The following WDFY2 variants were observed in gnomAD, a reference collection of about 807,000 sequenced individuals.
WDFY2 encodes WD repeat and FYVE domain containing 2.
Under a neutral mutation model 56.4 loss-of-function variants are expected in WDFY2, and 36 were observed. The ratio of observed to expected loss-of-function variants is 0.64; its 90% CI spans 0.49 to 0.84. The LOEUF (loss-of-function observed/expected upper bound fraction) is 0.84. WDFY2 is among the 40% of genes least tolerant of loss of function. WDFY2 has a pLI of 0.00. For synonymous variants in WDFY2, 176 were observed against 183.7 expected (o/e 0.96, Z 0.34); for missense variants, 444 against 512.2 (o/e 0.87, Z 1.29).
chr13:51,640,535 G>A (rs764385087), intron 1 of WDFY2, among the ~76,000 whole-genome samples: 13 of 152,170 alleles, frequency 8.5e-5, no homozygotes, highest in Non-Finnish European at 1.8e-4. Flanking sequence ...ACATACCCTA[G>A]TGCCTCTTTA....
intron 1 of WDFY2, among the ~76,000 whole-genome samples, chr13:51,622,222 T>A (rs527449362): frequency 2.6e-5 from 4 of 152,228 alleles, no homozygotes; most frequent in Non-Finnish European, 5.9e-5. Context: ...TTCCTGAAGA[T>A]GATATTTGAA....
chr13:51,614,866 T>C, intron 1 of WDFY2, among the ~76,000 whole-genome samples: 1 of 152,094 alleles, frequency 6.6e-6, no homozygotes, highest in Non-Finnish European at 1.5e-5. Context: ...TCAGGAGGAA[T>C]GAAATAAATG....
intron 4 of WDFY2, among the ~76,000 whole-genome samples, chr13:51,713,939 A>G (rs938818219): frequency 6.6e-5 from 10 of 152,040 alleles, no homozygotes; most frequent in African/African-American, 2.4e-4. Context: ...CAGAAAGGCA[A>G]ATGGTGATTA....
At chr13:51,730,848 G>A (rs1215509049) in intron 6 of WDFY2, among the ~76,000 whole-genome samples, 1 of 152,130 alleles carries the variant, frequency 6.6e-6, no homozygotes, top group East Asian at 1.9e-4. Flanking sequence ...CTCTTTTTTG[G>A]CAGGAACACT....
intron 2 of WDFY2, among the ~76,000 whole-genome samples, chr13:51,664,430 G>A (rs762657460): frequency 3.3e-5 from 5 of 152,182 alleles, no homozygotes; most frequent in African/African-American, 4.8e-5. Context: ...GCTGTGAGGC[G>A]TTTGTGTGCA....
At chr13:51,715,003 A>G (rs1406695240) in intron 4 of WDFY2, among the ~76,000 whole-genome samples, 1 of 152,228 alleles carries the variant, frequency 6.6e-6, no homozygotes, top group Non-Finnish European at 1.5e-5. Flanking sequence ...AGGTACAGTA[A>G]AAATTTGCTG....
intron 2 of WDFY2, among the ~76,000 whole-genome samples, chr13:51,667,026 T>C (rs1955716369): frequency 6.6e-6 from 1 of 152,222 alleles, no homozygotes; most frequent in Non-Finnish European, 1.5e-5. Flanking sequence ...TGAATCACTT[T>C]GGGCAAGTCC....
At chr13:51,594,820 CTGCAGCACT>C (rs1954115392) in intron 1 of WDFY2, among the ~76,000 whole-genome samples, 1 of 151,718 alleles carries the variant, frequency 6.6e-6, no homozygotes, top group Non-Finnish European at 1.5e-5. Flanking sequence ...CCTGCAGCAC[CTGCAGCACT>C]TGGAGCATAG....
intron 1 of WDFY2, among the ~76,000 whole-genome samples, chr13:51,601,752 T>G (rs925448261): frequency 6.6e-6 from 1 of 152,160 alleles, no homozygotes; most frequent in Non-Finnish European, 1.5e-5. Context: ...GGCACCCTGA[T>G]TCATCGGACT....
chr13:51,638,547 T>TAG (rs1955096270), intron 1 of WDFY2, among the ~76,000 whole-genome samples: 1 of 152,196 alleles, frequency 6.6e-6, no homozygotes, highest in African/African-American at 2.4e-5. Flanking sequence ...TTCCGTGCAG[T>TAG]GTAGTCCCTC....
intron 1 of WDFY2, among the ~76,000 whole-genome samples, chr13:51,600,947 T>G (rs1360395704): frequency 6.6e-6 from 1 of 152,192 alleles, no homozygotes; most frequent in African/African-American, 2.4e-5. Flanking sequence ...ATTTTCTCAT[T>G]GCTTTATTTG....
chr13:51,643,385 A>G (rs939126160), intron 1 of WDFY2, among the ~76,000 whole-genome samples: 1 of 152,156 alleles, frequency 6.6e-6, no homozygotes, highest in Non-Finnish European at 1.5e-5. Context: ...CATTGTTTCT[A>G]CTGAGCATTT....
intron 1 of WDFY2, among the ~76,000 whole-genome samples, chr13:51,604,761 T>C (rs1566308431): frequency 6.6e-6 from 1 of 152,172 alleles, no homozygotes; most frequent in Admixed American, 6.5e-5. Flanking sequence ...GGAAGTTCCA[T>C]TGGACATTGT....
intron 1 of WDFY2, among the ~76,000 whole-genome samples, chr13:51,629,002 T>G (rs1485036491): frequency 1.3e-5 from 2 of 152,222 alleles, no homozygotes; most frequent in South Asian, 2.1e-4. Context: ...ATGAAGAGTT[T>G]GAATAGATTA....
chr13:51,601,204 C>G (rs1285741792), intron 1 of WDFY2, among the ~76,000 whole-genome samples: 1 of 151,868 alleles, frequency 6.6e-6, no homozygotes, highest in African/African-American at 2.4e-5. Flanking sequence ...CAACTGAAAT[C>G]CAAAAAATAA....
intron 2 of WDFY2, among the ~76,000 whole-genome samples, chr13:51,670,297 G>C (rs1955783058): frequency 6.6e-6 from 1 of 151,982 alleles, no homozygotes. Flanking sequence ...GTGTCAATCT[G>C]TTTACTCCTC....
At chr13:51,749,250 T>C (rs1953173138) in intron 7 of WDFY2, among the ~76,000 whole-genome samples, 1 of 152,188 alleles carries the variant, frequency 6.6e-6, no homozygotes, top group South Asian at 2.1e-4. Flanking sequence ...TATATATCGA[T>C]CATTATCACT....
intron 1 of WDFY2, among the ~76,000 whole-genome samples, chr13:51,627,361 C>T (rs1172324749): frequency 6.6e-6 from 1 of 151,982 alleles, no homozygotes; most frequent in Non-Finnish European, 1.5e-5. Context: ...TTTGACGGGT[C>T]CGTAGTCCTT....
chr13:51,727,556 C>A, intron 5 of WDFY2, 122 bp from the exon 6 acceptor site: 1 of 830,692 alleles, frequency 1.2e-6, no homozygotes, highest in Non-Finnish European at 1.9e-6. Flanking sequence ...TGTCTTTCAG[C>A]ACTGTCTTCA....
Sources: gnomAD v4.1 joint callset for allele counts (sites outside exome capture counted in the v4.1 genomes callset) on GRCh38, gnomAD v4.1.1 for gene constraint, MANE v1.5 for transcripts, NCBI Gene and HGNC (gene_info 2026-07-23, HGNC 2026-07-21) for gene names.